Variants in HLCS observed in about 807,000 individuals in gnomAD.
HLCS encodes the protein holocarboxylase synthetase.
In HLCS, 53 loss-of-function variants were observed where a neutral mutation model predicts 75.0. That is an observed-to-expected ratio of 0.71 (90% CI 0.57 to 0.89). HLCS has a LOEUF of 0.89. Ranked by LOEUF, HLCS falls within the 40% of genes least tolerant of loss-of-function variation. The pLI is 0.00. For synonymous variants in HLCS, 431 were observed against 428.6 expected (o/e 1.01, Z -0.07); for missense variants, 966 against 1,074.0 (o/e 0.90, Z 1.41).
chr21:36,957,865 C>T (rs926046697), intron 2 of HLCS, among the ~76,000 whole-genome samples: 4 of 148,854 alleles, frequency 2.7e-5, no homozygotes, highest in African/African-American at 9.9e-5. Flanking sequence ...GGAGGCAGAG[C>T]TTGCAGTGAG....
chr21:36,831,534 T>C (rs1457407607), intron 6 of HLCS, among the ~76,000 whole-genome samples: 1 of 151,932 alleles, frequency 6.6e-6, no homozygotes, highest in African/African-American at 2.4e-5. Flanking sequence ...ACAAAAAACA[T>C]TAGCCAGGTG....
At chr21:36,772,510 A>C (rs1419015093) in intron 6 of HLCS, among the ~76,000 whole-genome samples, 1 of 151,884 alleles carries the variant, frequency 6.6e-6, no homozygotes, top group African/African-American at 2.4e-5. Flanking sequence ...ATGGAGGTAC[A>C]TGCCTGTGGT....
intron 6 of HLCS, among the ~76,000 whole-genome samples, chr21:36,856,491 T>C (rs1043504814): frequency 2.0e-5 from 3 of 152,102 alleles, no homozygotes; most frequent in African/African-American, 7.2e-5. Flanking sequence ...CTATCTCAGA[T>C]TGCAAATAAA....
intron 2 of HLCS, among the ~76,000 whole-genome samples, chr21:36,939,877 A>T (rs943456616): frequency 4.6e-5 from 7 of 152,062 alleles, no homozygotes; most frequent in Non-Finnish European, 8.8e-5. Context: ...TAAAACAAGA[A>T]TACTCTACTA....
chr21:36,820,850 G>C (rs563246041), intron 6 of HLCS, among the ~76,000 whole-genome samples: 4 of 152,300 alleles, frequency 2.6e-5, no homozygotes, highest in African/African-American at 9.6e-5. Context: ...TTGTCTTTTC[G>C]ATGACCCCAA....
At chr21:36,785,450 C>T (rs1009525570) in intron 6 of HLCS, among the ~76,000 whole-genome samples, 9 of 151,786 alleles carry the variant, frequency 5.9e-5, no homozygotes, top group East Asian at 1.9e-4. Context: ...CCATCTCTCC[C>T]GGCTCTCTGC....
At chr21:36,915,573 C>G (rs6517394) in intron 5 of HLCS, among the ~76,000 whole-genome samples, 62,607 of 152,062 alleles carry the variant, frequency 0.41, 14,231 homozygotes, top group African/African-American at 0.6. Context: ...GCGGGTCTAA[C>G]CCCACACACT....
At chr21:36,875,003 G>A (rs1461179481) in intron 6 of HLCS, among the ~76,000 whole-genome samples, 3 of 152,224 alleles carry the variant, frequency 2.0e-5, no homozygotes, top group African/African-American at 7.2e-5. Flanking sequence ...CCAGCCAGGT[G>A]TGCACATATG....
chr21:36,824,788 C>T (rs1001929511), intron 6 of HLCS, among the ~76,000 whole-genome samples: 1 of 152,150 alleles, frequency 6.6e-6, no homozygotes, highest in South Asian at 2.1e-4. Flanking sequence ...CGCCAACTTT[C>T]CTAACCAGGG....
At chr21:36,756,177 A>G (rs148896807) in intron 10 of HLCS, among the ~76,000 whole-genome samples, 3,136 of 152,022 alleles carry the variant, frequency 0.021, 81 homozygotes, top group African/African-American at 0.063. Context: ...GGTGGCTCAC[A>G]CCTGTAATCC....
At position 36,842,286 on chromosome 21, in the gene HLCS, A is replaced by T. The variant is rs1006491850; in HGVS notation, c.1892+54574T>A. ...AATCAGGACAGTGTTCCCCAAAGGG[A>T]GGATGCAGATGGGAAGGGACCTGAA... On this transcript the variant is annotated intron_variant, in intron 6 of 10. Coordinates refer to ENST00000674895, the MANE Select transcript of HLCS (RefSeq NM_001352514.2). This position sits in a 1 kb window ranked among gnomAD's most constrained non-coding sequence, Gnocchi z 4.2. 2.6e-5 allele frequency among the ~76,000 whole-genome samples: 4 copies of T among 152,200 alleles called. No individual in the cohort carries two copies. Among genetic ancestry groups the T allele is most frequent in the African/African-American group, 9.6e-5 (4 of 41,460 alleles).
chr21:36,986,786 A>C (rs1001710323), intron 1 of HLCS: 4 of 152,242 alleles, frequency 2.6e-5, no homozygotes, highest in African/African-American at 4.8e-5. Flanking sequence ...AGAATAAAAC[A>C]AAGAGTTCAA....
At chr21:36,932,299 C>T (rs1458186141) in intron 4 of HLCS, among the ~76,000 whole-genome samples, 1 of 152,104 alleles carries the variant, frequency 6.6e-6, no homozygotes, top group Admixed American at 6.6e-5. Flanking sequence ...TTGTTTATAT[C>T]AATTAGCCTA....
At chr21:36,764,961 C>T (rs755921804) in intron 8 of HLCS, 51 bp downstream of exon 8, 1 of 1,590,796 alleles carries the variant, frequency 6.3e-7, no homozygotes, top group African/African-American at 1.3e-5. Context: ...AAGAATAAGC[C>T]AGATTCTGCA....
At chr21:36,925,804 C>T (rs1044272672) in intron 5 of HLCS, among the ~76,000 whole-genome samples, 39 of 152,210 alleles carry the variant, frequency 2.6e-4, no homozygotes, top group African/African-American at 8.9e-4. Context: ...CCCAGAGAAA[C>T]AGAAACAAGG....
At position 36,839,501 on chromosome 21, in the gene HLCS, AGGGAGAC is replaced by A. The variant is rs373587487; in HGVS notation, c.1892+57352_1892+57358del. 1.6e-4 allele frequency among the ~76,000 whole-genome samples: 25 copies of A among 152,354 alleles called. No individual in the cohort carries two copies. In the East Asian group the frequency reaches 4.6e-3, roughly 28 times the overall value. ...CTGATGGAGTGTAATTCTTGAAAGA[AGGGAGAC>A]GGGAGAGGTGGTAGCCCAGGGAAGA... On this transcript the variant is annotated intron_variant, in intron 6 of 10. Transcript: ENST00000674895.
chr21:36,939,785 G>A (rs2146540901), intron 2 of HLCS, among the ~76,000 whole-genome samples: 1 of 152,276 alleles, frequency 6.6e-6, no homozygotes, highest in Admixed American at 6.5e-5. Flanking sequence ...CTGCAGTCAG[G>A]GGTCTGAGGC....
At chr21:36,893,946 A>G (rs1160666192) in intron 6 of HLCS, among the ~76,000 whole-genome samples, 1 of 152,344 alleles carries the variant, frequency 6.6e-6, no homozygotes, top group East Asian at 1.9e-4. Flanking sequence ...CTATGTTTCC[A>G]TAAGTATAGC....
intron 6 of HLCS, among the ~76,000 whole-genome samples, chr21:36,848,277 T>TG (rs201780082): frequency 0.016 from 2,481 of 151,924 alleles, 34 homozygotes; most frequent in South Asian, 0.048. Flanking sequence ...TGTTGTTTTT[T>TG]TTTTTTTTTT....
Sources: allele counts gnomAD v4.1 joint callset (sites outside exome capture counted in the v4.1 genomes callset), GRCh38; gene constraint gnomAD v4.1.1; non-coding constraint Gnocchi (gnomAD v3.1); transcripts MANE v1.5; gene names NCBI Gene and HGNC (gene_info 2026-07-23, HGNC 2026-07-21).